The following PEX5L variants were observed in gnomAD, a reference collection of about 807,000 sequenced individuals.
PEX5L encodes the protein peroxisomal biogenesis factor 5 like.
PEX5L carries 30 observed loss-of-function variants against 84.0 expected under a neutral mutation model. That is an observed-to-expected ratio of 0.36 (90% CI 0.27 to 0.48). PEX5L has a LOEUF of 0.48. Among genes scored for constraint, PEX5L ranks in the 20% least tolerant of loss-of-function variants. PEX5L has a pLI of 0.99. For missense variants in PEX5L, 533 were observed against 754.6 expected (o/e 0.71, Z 3.44); for synonymous variants, 270 against 283.1 (o/e 0.95, Z 0.46).
intron 2 of PEX5L, among the ~76,000 whole-genome samples, chr3:179,926,634 C>A (rs372867493): frequency 6.6e-6 from 1 of 152,156 alleles, no homozygotes; most frequent in East Asian, 1.9e-4. Context: ...GGACTTATTG[C>A]CAATTATGGG....
chr3:179,935,550 C>A (rs1202110345), intron 2 of PEX5L, among the ~76,000 whole-genome samples: 5 of 152,018 alleles, frequency 3.3e-5, no homozygotes, highest in Admixed American at 3.3e-4. Flanking sequence ...TGTTTATTTT[C>A]TACTATGAGC....
At chr3:179,998,870 T>C (rs1011574161) in intron 1 of PEX5L, among the ~76,000 whole-genome samples, 1 of 152,042 alleles carries the variant, frequency 6.6e-6, no homozygotes, top group African/African-American at 2.4e-5. Flanking sequence ...TCAGGGGGAG[T>C]TCCCTATGGT....
rs879509798 is a variant in PEX5L, at chr3:179,798,361, G to T, written c.*3467C>A. 5 of 152,154 alleles carry T rather than the reference G, an allele frequency of 3.3e-5. No individual in the cohort carries two copies. The highest frequency in any genetic ancestry group is 6.5e-5 in the Admixed American group (1 of 15,274). The allele number at this position is 152,154 out of a possible 1,614,324, so 9.4% of individuals were successfully genotyped here. A position where few individuals can be genotyped will look rare whatever the true frequency, so the allele number is the denominator to read the frequency against. ...CAGGAGTCATGGGGAGTGAGTTTTG[G>T]AGGAAGTAAAGGGAATGAATCAGTA... On this transcript the variant is annotated 3_prime_UTR_variant, in exon 15 of 15. Transcript: ENST00000467460.
At chr3:179,912,861 G>A (rs1765662881) in intron 2 of PEX5L, among the ~76,000 whole-genome samples, 1 of 151,954 alleles carries the variant, frequency 6.6e-6, no homozygotes, top group Admixed American at 6.6e-5. Context: ...TCCAAGTTAT[G>A]GTCCACAGTC....
chr3:179,977,641 G>A (rs941044702), intron 1 of PEX5L, among the ~76,000 whole-genome samples: 1 of 152,172 alleles, frequency 6.6e-6, no homozygotes, highest in Non-Finnish European at 1.5e-5. Context: ...GAGAGTGATC[G>A]CCTTTCAAGG....
intron 2 of PEX5L, among the ~76,000 whole-genome samples, chr3:179,912,728 C>A (rs1306523351): frequency 1.3e-5 from 2 of 152,028 alleles, no homozygotes; most frequent in Non-Finnish European, 2.9e-5. Context: ...TCACATATAA[C>A]CTGTTCAAGT....
chr3:179,931,055 C>A (rs1328170259), intron 2 of PEX5L, among the ~76,000 whole-genome samples: 1 of 152,172 alleles, frequency 6.6e-6, no homozygotes, highest in Non-Finnish European at 1.5e-5. Flanking sequence ...AAAACACACA[C>A]ACATACACAA....
chr3:179,959,140 C>T (rs1169205096), intron 2 of PEX5L, among the ~76,000 whole-genome samples: 1 of 148,312 alleles, frequency 6.7e-6, no homozygotes, highest in Non-Finnish European at 1.5e-5. Context: ...TTCTAGCAAG[C>T]GCCAGGTGAT....
At chr3:179,911,938 T>G (rs1337991849) in intron 2 of PEX5L, among the ~76,000 whole-genome samples, 3 of 152,184 alleles carry the variant, frequency 2.0e-5, no homozygotes, top group African/African-American at 7.2e-5. Context: ...GCTGGAATAG[T>G]TCAAGCAATT....
rs149042273 is a variant in PEX5L at position 179,973,226 on chromosome 3, C to T, written c.22-1561G>A. On this transcript the variant is annotated intron_variant, in intron 1 of 14. Transcript: ENST00000467460. ...ATTAAGTAGAGATGGAATGTGGGTC[C>T]TTCCATCCATTTCACTGTCAGACAT... is the stretch of plus-strand genomic sequence containing the variant. 1.0e-4 allele frequency: 132 copies of T among 1,285,200 alleles called. No homozygotes were observed. In the African/African-American group the frequency reaches 1.8e-3, roughly 18 times the overall value. 79.6% of individuals were successfully genotyped at this position (1,285,200 alleles called of 1,614,324 possible).
intron 1 of PEX5L, among the ~76,000 whole-genome samples, chr3:179,988,310 A>G (rs1305956049): frequency 6.6e-6 from 1 of 152,048 alleles, no homozygotes; most frequent in Non-Finnish European, 1.5e-5. Flanking sequence ...CTGAGGCAGG[A>G]GAATCGCTTG....
At chr3:179,974,944 C>G (rs1785572318) in intron 1 of PEX5L, among the ~76,000 whole-genome samples, 1 of 152,124 alleles carries the variant, frequency 6.6e-6, no homozygotes, top group African/African-American at 2.4e-5. Flanking sequence ...AGCCTGTAAT[C>G]CCAGCACTTT....
intron 2 of PEX5L, among the ~76,000 whole-genome samples, chr3:179,963,670 A>G (rs1049822739): frequency 3.3e-5 from 5 of 152,222 alleles, no homozygotes; most frequent in Admixed American, 2.6e-4. Context: ...GTAAAAAAGC[A>G]GAGATTAATG....
intron 2 of PEX5L, among the ~76,000 whole-genome samples, chr3:179,903,994 A>G (rs1161649543): frequency 6.6e-6 from 1 of 152,176 alleles, no homozygotes; most frequent in Non-Finnish European, 1.5e-5. Context: ...TTAAATAGAG[A>G]TTCATATGTG....
intron 2 of PEX5L, among the ~76,000 whole-genome samples, chr3:179,913,871 G>A (rs1473553859): frequency 6.6e-6 from 1 of 152,044 alleles, no homozygotes; most frequent in Non-Finnish European, 1.5e-5. Flanking sequence ...CTTAGAGTCT[G>A]TGAATGTTAA....
At chr3:179,893,714 G>A (rs1382499267) in intron 3 of PEX5L, among the ~76,000 whole-genome samples, 1 of 151,916 alleles carries the variant, frequency 6.6e-6, no homozygotes, top group Non-Finnish European at 1.5e-5. Context: ...TAAGCATTTG[G>A]TACTTCAATA....
chr3:180,015,874 A>ATATAATATTTAATATATTATATATAATG (rs1196495568), intron 1 of PEX5L, among the ~76,000 whole-genome samples: 5 of 123,126 alleles, frequency 4.1e-5, no homozygotes, highest in Admixed American at 2.9e-4. Context: ...AACATATAAT[A>ATATAATATTTAATATATTATATATAATG]TATAATATTT....
chr3:179,917,308 C>G (rs1406961365), intron 2 of PEX5L, among the ~76,000 whole-genome samples: 1 of 151,886 alleles, frequency 6.6e-6, no homozygotes, highest in African/African-American at 2.4e-5. Context: ...CCTTACAGAC[C>G]TGCCTAAGGC....
At chr3:179,902,786 T>C (rs1277159911) in intron 2 of PEX5L, 8 of 393,128 alleles carry the variant, frequency 2.0e-5, no homozygotes, top group African/African-American at 1.7e-4. Flanking sequence ...TAAAACTTAT[T>C]TTCATTATTT....
Sources: allele counts gnomAD v4.1 joint callset (sites outside exome capture counted in the v4.1 genomes callset), GRCh38; gene constraint gnomAD v4.1.1; transcripts MANE v1.5; gene names NCBI Gene and HGNC (gene_info 2026-07-23, HGNC 2026-07-21).